FRMD3: variants seen among roughly 807,000 people sequenced by gnomAD.
The protein encoded by FRMD3 is FERM domain containing 3, also known as FERM domain-containing protein 3.
In FRMD3, 33 loss-of-function variants were observed where a neutral mutation model predicts 70.2. The observed-to-expected ratio is 0.47, with a 90% CI of 0.36 to 0.63. The LOEUF is 0.63. FRMD3 is among the 20% of genes least tolerant of loss of function. The probability of loss-of-function intolerance (pLI) is 0.00; values close to 1 mark genes in which losing one functional copy is unlikely to be tolerated. For missense variants in FRMD3, 632 were observed against 711.4 expected (o/e 0.89, Z 1.27); for synonymous variants, 279 against 255.9 (o/e 1.09, Z -0.86).
chr9:83,382,497 G>A (rs1362082618), intron 2 of FRMD3, among the ~76,000 whole-genome samples: 1 of 152,156 alleles, frequency 6.6e-6, no homozygotes, highest in Non-Finnish European at 1.5e-5. Context: ...GACACAGAGG[G>A]TGTAAGGAAC....
chr9:83,391,800 G>T (rs1156929374), intron 1 of FRMD3, among the ~76,000 whole-genome samples: 1 of 152,182 alleles, frequency 6.6e-6, no homozygotes, highest in Admixed American at 6.5e-5. Flanking sequence ...CAATTCCCAT[G>T]GTTCCAGACC....
rs1176094094 is a variant in FRMD3, at chr9:83,349,714, T to G, written c.339A>C (p.Pro113=). The G allele has an allele frequency of 3.7e-6, 6 of 1,612,348 alleles. No homozygotes were observed. The highest frequency in any genetic ancestry group is 8.5e-7 in the Non-Finnish European group (1 of 1,179,032). Residue 113 remains proline (P), a synonymous_variant, in exon 4 of 14, where the codon CCA becomes CCC. Coordinates refer to ENST00000304195, the MANE Select transcript of FRMD3 (RefSeq NM_174938.6). ...CTTCTTTAATCTTCAAGGGTTCATG[T>G]GGGTAGAATTTCACTCTAAAGCACA... ...YTMCFRVKFY[P]HEPLKIKEEL... is the part of the protein sequence containing the mutation.
At chr9:83,295,873 T>C (rs1266960189) in intron 12 of FRMD3, among the ~76,000 whole-genome samples, 1 of 152,188 alleles carries the variant, frequency 6.6e-6, no homozygotes, top group Non-Finnish European at 1.5e-5. Flanking sequence ...TTGTCATCAA[T>C]GATGATCAGC....
intron 1 of FRMD3, among the ~76,000 whole-genome samples, chr9:83,441,274 A>G (rs1827286842): frequency 6.6e-6 from 1 of 152,220 alleles, no homozygotes; most frequent in South Asian, 2.1e-4. Context: ...TTATTTCAAA[A>G]TATCACCTTT....
intron 6 of FRMD3, among the ~76,000 whole-genome samples, chr9:83,326,461 A>G (rs1836020531): frequency 6.6e-6 from 1 of 152,208 alleles, no homozygotes; most frequent in Non-Finnish European, 1.5e-5. Flanking sequence ...TTAATTGAAA[A>G]TGTCATACAC....
intron 1 of FRMD3, among the ~76,000 whole-genome samples, chr9:83,393,781 T>C (rs1825734626): frequency 6.6e-6 from 1 of 152,140 alleles, no homozygotes; most frequent in Non-Finnish European, 1.5e-5. Context: ...GGAGCAGCTG[T>C]AAATACAGAT....
chr9:83,516,736 A>G (rs1385664852), intron 1 of FRMD3, among the ~76,000 whole-genome samples: 1 of 152,228 alleles, frequency 6.6e-6, no homozygotes, highest in Non-Finnish European at 1.5e-5. Context: ...AACACTCCTC[A>G]GCAAATGAAA....
At position 83,537,524 on chromosome 9, in the gene FRMD3, ACTTCGCCACCG is replaced by A. The variant is rs1166811122; in HGVS notation, c.147+550_147+560del. On this transcript the variant is annotated intron_variant, in intron 1 of 13. Transcript: ENST00000304195. The surrounding 1 kb of genome is among the most constrained non-coding windows in gnomAD (Gnocchi z 4.1). ...GCCCGGCCTCTCTCACTCTGGGGAA[ACTTCGCCACCG>A]CCCCACGCGGAGAACTAAAGACCAC... Among the ~76,000 whole-genome samples the A allele has an allele frequency of 6.6e-6, 1 of 152,196 alleles. No homozygotes were observed. Among genetic ancestry groups the A allele is most frequent in the Non-Finnish European group, 1.5e-5 (1 of 68,016 alleles).
chr9:83,516,665 A>T (rs1279504844), intron 1 of FRMD3, among the ~76,000 whole-genome samples: 1 of 152,202 alleles, frequency 6.6e-6, no homozygotes, highest in East Asian at 1.9e-4. Flanking sequence ...ACAACAGAAT[A>T]TACATTCTTC....
intron 1 of FRMD3, among the ~76,000 whole-genome samples, chr9:83,470,718 T>A (rs1462606487): frequency 6.6e-6 from 1 of 152,244 alleles, no homozygotes; most frequent in African/African-American, 2.4e-5. Context: ...TCTGGTAGGA[T>A]GTGGTACAAT....
intron 1 of FRMD3, among the ~76,000 whole-genome samples, chr9:83,412,095 G>C (rs1253226084): frequency 6.6e-6 from 1 of 152,234 alleles, no homozygotes; most frequent in Non-Finnish European, 1.5e-5. Context: ...AAACAGTTTT[G>C]CCTGTTTCTG....
At chr9:83,336,122 A>C (rs985980710) in intron 5 of FRMD3, among the ~76,000 whole-genome samples, 1 of 152,146 alleles carries the variant, frequency 6.6e-6, no homozygotes, top group African/African-American at 2.4e-5. Flanking sequence ...GCATTGTACA[A>C]CATGGAGACT....
chr9:83,323,525 T>C (rs896967610), intron 6 of FRMD3, among the ~76,000 whole-genome samples: 3 of 152,208 alleles, frequency 2.0e-5, no homozygotes, highest in Non-Finnish European at 4.4e-5. Flanking sequence ...CCTTCATGAA[T>C]ATATTCAGTT....
intron 3 of FRMD3, chr9:83,350,965 A>G: frequency 1.1e-6 from 1 of 925,650 alleles, no homozygotes; most frequent in Non-Finnish European, 1.3e-6. Flanking sequence ...TAAAATAGTT[A>G]GCATTACTAT....
intron 6 of FRMD3, among the ~76,000 whole-genome samples, chr9:83,335,046 C>T (rs1033911916): frequency 7.2e-5 from 11 of 152,090 alleles, no homozygotes; most frequent in Admixed American, 3.3e-4. Context: ...TGAAGCATCG[C>T]AGGTGAGAAA....
chr9:83,289,996 T>A (rs1477405549), intron 13 of FRMD3, among the ~76,000 whole-genome samples: 1 of 152,170 alleles, frequency 6.6e-6, no homozygotes, highest in Non-Finnish European at 1.5e-5. Flanking sequence ...CTTCACTTTT[T>A]TTTAGCTTGT....
Position 83,495,291 on chromosome 9 carries a change from G to A in FRMD3, c.147+42794C>T, listed in dbSNP as rs183241452. 6.9e-4 allele frequency among the ~76,000 whole-genome samples: 105 copies of A among 152,280 alleles called. 1 individual carries two copies. The highest frequency in any genetic ancestry group is 2.5e-3 in the African/African-American group (104 of 41,554). On this transcript the variant is annotated intron_variant, in intron 1 of 13. Coordinates refer to ENST00000304195, the MANE Select transcript of FRMD3 (RefSeq NM_174938.6). The stretch of plus-strand genomic sequence containing the variant: ...CCAGGAGGAGCAAGTGGCCATCTGT[G>A]TCCAAAACTGCCATGGGTCAGTAAG...
At position 83,248,019 on chromosome 9, in the gene FRMD3, T is replaced by C; in HGVS notation, c.1693A>G (p.Thr565Ala). 1.9e-6 allele frequency: 3 copies of C among 1,614,156 alleles called. No individual in the cohort carries two copies. The highest frequency in any genetic ancestry group is 1.7e-6 in the Non-Finnish European group (2 of 1,180,032). Residue 565 changes from threonine to alanine, a missense_variant, in exon 14 of 14, where the codon ACA (threonine) becomes GCA (alanine). Around this residue, in one of 3 missense-constraint regions of FRMD3, gnomAD observed 418 missense variants for 442.1 expected, o/e 0.95. Coordinates refer to ENST00000304195, the MANE Select transcript of FRMD3 (RefSeq NM_174938.6). ...DLSFLCEIRQ[T>A]PEFEQFHYEY... ...TAGTGAAACTGCTCAAACTCTGGTG[T>C]CTGGCGGATTTCGCATAAGAAGGAG...
At chr9:83,263,589 T>C (rs1833091024) in intron 13 of FRMD3, among the ~76,000 whole-genome samples, 1 of 152,074 alleles carries the variant, frequency 6.6e-6, no homozygotes, top group African/African-American at 2.4e-5. Flanking sequence ...TGCAATATGA[T>C]GAAGACAAAA....
Sources: allele counts gnomAD v4.1 joint callset (sites outside exome capture counted in the v4.1 genomes callset), GRCh38; gene constraint gnomAD v4.1.1; regional missense constraint gnomAD v4.1.1; non-coding constraint Gnocchi (gnomAD v3.1); transcripts MANE v1.5; gene names NCBI Gene and HGNC (gene_info 2026-07-23, HGNC 2026-07-21).